Variants in CDH12 observed in about 807,000 individuals in gnomAD.
CDH12 encodes the protein cadherin 12.
CDH12 carries 41 observed loss-of-function variants against 74.1 expected under a neutral mutation model. The observed-to-expected ratio is 0.55, with a 90% confidence interval of 0.43 to 0.72. CDH12 has a LOEUF of 0.72. CDH12 is among the 30% of genes least tolerant of loss of function. The probability of loss-of-function intolerance (pLI) is 0.00; values close to 1 mark genes in which losing one functional copy is unlikely to be tolerated. For synonymous variants in CDH12, 399 were observed against 355.0 expected (o/e 1.12, Z -1.39); for missense variants, 945 against 977.2 (o/e 0.97, Z 0.44).
chr5:22,102,670 A>C (rs1320074327), intron 4 of CDH12, among the ~76,000 whole-genome samples: 3 of 42,724 alleles, frequency 7.0e-5, no homozygotes, highest in Admixed American at 2.4e-4. Flanking sequence ...TCCAATAAAT[A>C]AATAAATAAA....
chr5:22,850,787 C>A (rs1737515380), intron 1 of CDH12, among the ~76,000 whole-genome samples: 1 of 151,986 alleles, frequency 6.6e-6, no homozygotes, highest in South Asian at 2.1e-4. Flanking sequence ...TTACCCAAGC[C>A]CTTAGATTTT....
chr5:22,771,361 A>T (rs997017284), intron 1 of CDH12, among the ~76,000 whole-genome samples: 1 of 152,108 alleles, frequency 6.6e-6, no homozygotes, highest in Non-Finnish European at 1.5e-5. Context: ...TTAGCATACA[A>T]ATTTTATAGA....
chr5:22,426,948 T>C (rs895780637), intron 2 of CDH12, among the ~76,000 whole-genome samples: 2 of 152,208 alleles, frequency 1.3e-5, no homozygotes, highest in South Asian at 4.2e-4. Flanking sequence ...AACATCTCTC[T>C]CTCTCTAACC....
At chr5:22,730,900 C>T (rs1444981487) in intron 1 of CDH12, among the ~76,000 whole-genome samples, 1 of 151,660 alleles carries the variant, frequency 6.6e-6, no homozygotes, top group Non-Finnish European at 1.5e-5. Context: ...GAAATAGCAA[C>T]CATTAGAAAT....
At chr5:22,463,300 A>C (rs1046942847) in intron 2 of CDH12, among the ~76,000 whole-genome samples, 2 of 152,134 alleles carry the variant, frequency 1.3e-5, no homozygotes, top group Admixed American at 6.5e-5. Flanking sequence ...ACAATCAATG[A>C]TTTATTTCTT....
At chr5:22,372,315 A>AGAGGG (rs1284453190) in intron 3 of CDH12, among the ~76,000 whole-genome samples, 1 of 152,122 alleles carries the variant, frequency 6.6e-6, no homozygotes, top group African/African-American at 2.4e-5. Flanking sequence ...AAAGCAAAGG[A>AGAGGG]GAGGGAACCA....
intron 6 of CDH12, among the ~76,000 whole-genome samples, chr5:21,908,074 T>C (rs1753718309): frequency 6.6e-6 from 1 of 152,138 alleles, no homozygotes; most frequent in East Asian, 1.9e-4. Context: ...TTATGGTATT[T>C]AGGTTGAGGA....
At chr5:22,280,480 C>A (rs749268643) in intron 3 of CDH12, among the ~76,000 whole-genome samples, 23 of 151,674 alleles carry the variant, frequency 1.5e-4, no homozygotes, top group South Asian at 1.3e-3. Flanking sequence ...CTCTAGCAAG[C>A]CTAATAAAGA....
chr5:22,303,648 T>A (rs1344162462), intron 3 of CDH12, among the ~76,000 whole-genome samples: 1 of 152,166 alleles, frequency 6.6e-6, no homozygotes, highest in African/African-American at 2.4e-5. Context: ...AATATCCTCA[T>A]TATCCAAATA....
intron 7 of CDH12, among the ~76,000 whole-genome samples, chr5:21,853,710 T>C (rs1207215321): frequency 6.6e-6 from 1 of 151,700 alleles, no homozygotes; most frequent in Non-Finnish European, 1.5e-5. Flanking sequence ...GTTTAACTTA[T>C]TTGAATGTAT....
At chr5:22,096,019 G>A (rs1379924817) in intron 4 of CDH12, among the ~76,000 whole-genome samples, 2 of 151,288 alleles carry the variant, frequency 1.3e-5, no homozygotes, top group African/African-American at 4.9e-5. Flanking sequence ...TGCTTTTCTG[G>A]AGGGTAAGAA....
chr5:22,161,760 A>T (rs1361525089), intron 4 of CDH12, among the ~76,000 whole-genome samples: 2 of 152,156 alleles, frequency 1.3e-5, no homozygotes, highest in African/African-American at 4.8e-5. Context: ...GGAAAAGAAA[A>T]AAATCCAAAC....
At chr5:22,828,120 A>G (rs1736424022) in intron 1 of CDH12, among the ~76,000 whole-genome samples, 1 of 152,146 alleles carries the variant, frequency 6.6e-6, no homozygotes, top group Admixed American at 6.5e-5. Flanking sequence ...GCATATGAAA[A>G]GGGCAAATAA....
intron 1 of CDH12, among the ~76,000 whole-genome samples, chr5:22,576,719 C>T (rs996310694): frequency 6.7e-6 from 1 of 149,396 alleles, no homozygotes; most frequent in East Asian, 2.0e-4. Context: ...GGCGATGGTC[C>T]TTGCGTCTTA....
At chr5:22,628,360 C>A (rs1738407310) in intron 1 of CDH12, among the ~76,000 whole-genome samples, 2 of 152,138 alleles carry the variant, frequency 1.3e-5, no homozygotes, top group East Asian at 1.9e-4. Context: ...CAAAACAATT[C>A]TCAGCAAATT....
intron 4 of CDH12, among the ~76,000 whole-genome samples, chr5:22,197,063 T>A (rs896862652): frequency 9.9e-5 from 15 of 152,238 alleles, no homozygotes; most frequent in African/African-American, 3.1e-4. Context: ...AAATAAGAGT[T>A]AAAAAATAGT....
At chr5:22,180,049 G>A (rs1411462050) in intron 4 of CDH12, among the ~76,000 whole-genome samples, 2 of 152,112 alleles carry the variant, frequency 1.3e-5, no homozygotes, top group African/African-American at 4.8e-5. Flanking sequence ...ATTATGTTAA[G>A]GAGATTAGAT....
At chr5:22,337,092 C>T (rs1245596581) in intron 3 of CDH12, among the ~76,000 whole-genome samples, 1 of 152,184 alleles carries the variant, frequency 6.6e-6, no homozygotes, top group African/African-American at 2.4e-5. Context: ...AGATTGACTG[C>T]CCTGCTGGCA....
chr5:22,706,280 T>G (rs532740187), intron 1 of CDH12, among the ~76,000 whole-genome samples: 1 of 152,220 alleles, frequency 6.6e-6, no homozygotes, highest in South Asian at 2.1e-4. Context: ...TAACTTACAA[T>G]TATTCCCTTG....
Sources: allele counts gnomAD v4.1 joint callset (sites outside exome capture counted in the v4.1 genomes callset), GRCh38; gene constraint gnomAD v4.1.1; transcripts MANE v1.5; gene names NCBI Gene and HGNC (gene_info 2026-07-23, HGNC 2026-07-21).